Variants in CLSTN2 observed in about 807,000 individuals in gnomAD.
CLSTN2 encodes the protein calsyntenin 2, also known as calsyntenin-2.
In CLSTN2, 48 loss-of-function variants were observed where a neutral mutation model predicts 101.2. That is an observed-to-expected ratio of 0.47 (90% CI 0.38 to 0.60). The LOEUF (loss-of-function observed/expected upper bound fraction) is 0.60, where lower values mean the gene tolerates loss of function less well. Ranked by LOEUF, CLSTN2 falls within the 20% of genes least tolerant of loss-of-function variation. The pLI, the probability that CLSTN2 is intolerant of heterozygous loss-of-function variation, is 0.00. For synonymous variants in CLSTN2, 481 were observed against 463.6 expected (o/e 1.04, Z -0.48); for missense variants, 1,160 against 1,238.2 (o/e 0.94, Z 0.95).
chr3:140,278,653 G>A (rs2086817018), intron 2 of CLSTN2, among the ~76,000 whole-genome samples: 1 of 152,176 alleles, frequency 6.6e-6, no homozygotes, highest in East Asian at 1.9e-4. Flanking sequence ...CTTTTGACTG[G>A]AATAAACTAA....
chr3:140,214,156 T>A (rs1387361000), intron 2 of CLSTN2, among the ~76,000 whole-genome samples: 1 of 151,624 alleles, frequency 6.6e-6, no homozygotes, highest in East Asian at 1.9e-4. Flanking sequence ...AAAAAAAAAA[T>A]AGGCTAGGCA....
intron 2 of CLSTN2, among the ~76,000 whole-genome samples, chr3:140,308,938 AC>A: frequency 6.6e-6 from 1 of 152,240 alleles, no homozygotes; most frequent in Non-Finnish European, 1.5e-5. Flanking sequence ...TCCTGAAGCT[AC>A]ACAGAACAGG....
chr3:140,177,385 A>G (rs1304227093), intron 2 of CLSTN2, among the ~76,000 whole-genome samples: 2 of 152,200 alleles, frequency 1.3e-5, no homozygotes, highest in African/African-American at 4.8e-5. Context: ...TCTTGGACAT[A>G]GCTAATAATG....
intron 1 of CLSTN2, among the ~76,000 whole-genome samples, chr3:139,972,444 T>C (rs191049483): frequency 6.6e-6 from 1 of 152,280 alleles, no homozygotes; most frequent in African/African-American, 2.4e-5. Context: ...GGGATGTGAA[T>C]ACTAAGCTGA....
intron 1 of CLSTN2, among the ~76,000 whole-genome samples, chr3:140,171,030 C>G (rs2010204270): frequency 6.6e-6 from 1 of 152,114 alleles, no homozygotes; most frequent in East Asian, 1.9e-4. Flanking sequence ...CTGGTGTATG[C>G]TTTGTACACA....
intron 8 of CLSTN2, among the ~76,000 whole-genome samples, chr3:140,528,936 T>C (rs1935199642): frequency 6.6e-6 from 1 of 152,254 alleles, no homozygotes; most frequent in Non-Finnish European, 1.5e-5. Context: ...CTGTATCTCT[T>C]GCAGCACCTA....
intron 2 of CLSTN2, among the ~76,000 whole-genome samples, chr3:140,194,988 G>A (rs954968101): frequency 1.3e-5 from 2 of 152,184 alleles, no homozygotes; most frequent in African/African-American, 2.4e-5. Context: ...ATTGTACTAC[G>A]GGAGGGTCCT....
chr3:140,037,222 C>A (rs1016916707), intron 1 of CLSTN2, among the ~76,000 whole-genome samples: 1 of 152,126 alleles, frequency 6.6e-6, no homozygotes, highest in African/African-American at 2.4e-5. Context: ...GGTAACAACC[C>A]TTTATGTACC....
chr3:140,385,494 A>G (rs6439917), intron 2 of CLSTN2, among the ~76,000 whole-genome samples: 103,139 of 150,596 alleles, frequency 0.68, 35,857 homozygotes, highest in African/African-American at 0.73. Context: ...TCAGCTTCCC[A>G]AGTAGCTGGG....
At chr3:140,430,548 C>T (rs1337669769) in intron 5 of CLSTN2, among the ~76,000 whole-genome samples, 3 of 152,160 alleles carry the variant, frequency 2.0e-5, no homozygotes, top group South Asian at 2.1e-4. Context: ...GCAGCAGAGC[C>T]GAGTCGTTTC....
chr3:140,364,820 T>C (rs1292484583), intron 2 of CLSTN2, among the ~76,000 whole-genome samples: 1 of 152,182 alleles, frequency 6.6e-6, no homozygotes, highest in Non-Finnish European at 1.5e-5. Context: ...AAATATTGAT[T>C]GAGTGCCCAC....
chr3:140,330,502 T>C (rs1018309248), intron 2 of CLSTN2, among the ~76,000 whole-genome samples: 1 of 152,198 alleles, frequency 6.6e-6, no homozygotes, highest in Non-Finnish European at 1.5e-5. Flanking sequence ...CCCATAGCAA[T>C]AACTAGCCCA....
At chr3:140,495,123 C>G (rs1934437981) in intron 8 of CLSTN2, among the ~76,000 whole-genome samples, 2 of 152,150 alleles carry the variant, frequency 1.3e-5, no homozygotes, top group Admixed American at 6.5e-5. Flanking sequence ...TCATCAGCAT[C>G]TGGTGTTTCT....
At position 140,261,041 on chromosome 3, in the gene CLSTN2, C is replaced by T. The variant is rs114425929; in HGVS notation, c.232+84968C>T. Reference sequence around the variant, plus strand: ...TACTACCATTGCTGTTAAACTAGGTCGTCTGGCTCAGGAAGTGTTTGTTAG... The same window carrying T: ...TACTACCATTGCTGTTAAACTAGGTTGTCTGGCTCAGGAAGTGTTTGTTAG... On this transcript the variant is annotated intron_variant, in intron 2 of 16. Transcript: ENST00000458420. Among the ~76,000 whole-genome samples the T allele has an allele frequency of 4.5e-3, 689 of 152,192 alleles. 4 individuals carry two copies. Among genetic ancestry groups the T allele is most frequent in the African/African-American group, 0.014 (563 of 41,536 alleles).
At chr3:140,307,453 A>T (rs570459020) in intron 2 of CLSTN2, among the ~76,000 whole-genome samples, 9 of 152,276 alleles carry the variant, frequency 5.9e-5, no homozygotes, top group African/African-American at 2.2e-4. Context: ...TCCATGTCTC[A>T]CTGCCTCATT....
intron 2 of CLSTN2, among the ~76,000 whole-genome samples, chr3:140,191,392 G>T (rs1444500551): frequency 1.3e-5 from 2 of 151,932 alleles, no homozygotes; most frequent in Non-Finnish European, 2.9e-5. Context: ...CTATTGTCTA[G>T]TTTTATGTCA....
intron 8 of CLSTN2, among the ~76,000 whole-genome samples, chr3:140,472,779 T>C (rs538254995): frequency 3.3e-5 from 5 of 152,298 alleles, no homozygotes; most frequent in African/African-American, 1.2e-4. Flanking sequence ...TTGTTCTGGG[T>C]GAATAATATA....
chr3:140,556,836 A>T, intron 11 of CLSTN2, 175 bp downstream of exon 11: 1 of 607,042 alleles, frequency 1.6e-6, no homozygotes. Context: ...TTTTCTTCCT[A>T]AGCAAGATGT....
chr3:140,135,263 T>C (rs1293275819), intron 1 of CLSTN2, among the ~76,000 whole-genome samples: 1 of 151,422 alleles, frequency 6.6e-6, no homozygotes, highest in East Asian at 1.9e-4. Flanking sequence ...TAATTTTGTT[T>C]CCTTCTGTGT....
Sources: allele counts gnomAD v4.1 joint callset (sites outside exome capture counted in the v4.1 genomes callset), GRCh38; gene constraint gnomAD v4.1.1; transcripts MANE v1.5; gene names NCBI Gene and HGNC (gene_info 2026-07-23, HGNC 2026-07-21).